RUVBL1: variants seen among roughly 807,000 people sequenced by gnomAD.
RUVBL1 encodes the protein ruvB-like 1.
In RUVBL1, 4 loss-of-function variants were observed where a neutral mutation model predicts 52.4. That is an observed-to-expected ratio of 0.08 (90% confidence interval 0.04 to 0.17). The LOEUF is 0.17. Ranked by LOEUF, RUVBL1 falls within the 10% of genes least tolerant of loss-of-function variation. The pLI is 1.00. For synonymous variants in RUVBL1, 217 were observed against 214.4 expected (o/e 1.01, Z -0.10); for missense variants, 298 against 572.8 (o/e 0.52, Z 4.90).
At chr3:128,147,338 G>A (rs909605868) in intron 1 of RUVBL1, among the ~76,000 whole-genome samples, 4 of 152,028 alleles carry the variant, frequency 2.6e-5, no homozygotes, top group South Asian at 2.1e-4. Context: ...CCAAAATGCT[G>A]GGATTACAGG....
At chr3:128,069,105 AAAAG>A (rs1409411418) in intron 9 of RUVBL1, among the ~76,000 whole-genome samples, 1 of 152,272 alleles carries the variant, frequency 6.6e-6, no homozygotes, top group Non-Finnish European at 1.5e-5. Context: ...TAAAAAAGTA[AAAAG>A]AAACAGGTGA....
rs146859734 is a variant in RUVBL1, at chr3:128,123,000, T to C, written c.141+584A>G. Among the ~76,000 whole-genome samples, 482 of 152,296 alleles carry C rather than the reference T, an allele frequency of 3.2e-3. 1 individual carries two copies. The highest frequency in any genetic ancestry group is 7.9e-3 in the South Asian group (38 of 4,828). On this transcript the variant is annotated intron_variant, in intron 1 of 10. Transcript: ENST00000322623. ...TGCTTGGAGGGGTGGATAAACCAGA[T>C]TGCTCTTCTCCATAATTCCCACTTC...
chr3:128,115,674 T>C (rs1159340146), intron 2 of RUVBL1, among the ~76,000 whole-genome samples: 5 of 152,172 alleles, frequency 3.3e-5, no homozygotes, highest in Non-Finnish European at 5.9e-5. Context: ...CTTCTAGCAA[T>C]ATGGCACACT....
At chr3:128,153,008 CT>C (rs1944273368) in intron 1 of RUVBL1, among the ~76,000 whole-genome samples, 3 of 74,126 alleles carry the variant, frequency 4.0e-5, no homozygotes, top group Admixed American at 2.6e-4. Flanking sequence ...CCCCGCCCCC[CT>C]TCGCCCCCCC....
At chr3:128,123,535 C>G in intron 1 of RUVBL1, 49 bp downstream of exon 1, 1 of 1,493,420 alleles carries the variant, frequency 6.7e-7, no homozygotes, top group Non-Finnish European at 9.0e-7. Context: ...GCTCTCTCGC[C>G]GCAGCAGCCC....
intron 9 of RUVBL1, among the ~76,000 whole-genome samples, chr3:128,073,765 G>C (rs1408002700): frequency 6.6e-6 from 1 of 152,230 alleles, no homozygotes; most frequent in Non-Finnish European, 1.5e-5. Flanking sequence ...TGTGGGCCTT[G>C]TTCCCTCTGC....
Position 128,123,791 on chromosome 3 carries a change from GAGTTACCATGCGGCCGTT to G in RUVBL1, c.-85_-68del. ...AGCTAGGACAGTGCGCCCGGCGCCT[GAGTTACCATGCGGCCGTT>G]ACTAGGGCAATTTGCAAAGGCCCGC... On this transcript the variant is annotated 5_prime_UTR_variant, in exon 1 of 11. An upstream start codon of the reference 5' UTR is lost. Coordinates refer to ENST00000322623, the MANE Select transcript of RUVBL1 (RefSeq NM_003707.3). The G allele has an allele frequency of 6.6e-7, 1 of 1,505,970 alleles. No individual in the cohort carries two copies. The highest frequency in any genetic ancestry group is 1.4e-5 in the African/African-American group (1 of 72,354). 93.3% of individuals were successfully genotyped at this position (1,505,970 alleles called of 1,614,324 possible).
intron 1 of RUVBL1, among the ~76,000 whole-genome samples, chr3:128,129,508 A>AAAG (rs148415277): frequency 6.6e-6 from 1 of 151,616 alleles, no homozygotes; most frequent in Non-Finnish European, 1.5e-5. Context: ...GGACCAGGAA[A>AAAG]AACAACAACA....
chr3:128,085,755 G>A (rs1029635210), intron 9 of RUVBL1, among the ~76,000 whole-genome samples: 1 of 152,004 alleles, frequency 6.6e-6, no homozygotes, highest in Admixed American at 6.5e-5. Context: ...GAAGTGCCAG[G>A]AAAGGCCCAG....
intron 1 of RUVBL1, chr3:128,153,092 C>T: frequency 2.4e-6 from 1 of 420,104 alleles, no homozygotes; most frequent in Non-Finnish European, 3.2e-6. Context: ...TAGGATCCTG[C>T]TGATTGGTGC....
At chr3:128,105,737 A>T (rs886361435) in intron 3 of RUVBL1, among the ~76,000 whole-genome samples, 4 of 152,114 alleles carry the variant, frequency 2.6e-5, no homozygotes, top group African/African-American at 9.7e-5. Flanking sequence ...AGTGGGTGAC[A>T]CTCAAAACTG....
chr3:128,125,084 G>C (rs1018038901), upstream of RUVBL1, among the ~76,000 whole-genome samples: 6 of 121,610 alleles, frequency 4.9e-5, no homozygotes, highest in East Asian at 1.7e-3. Flanking sequence ...GCGCAATCTC[G>C]GCTCACTGCA....
At chr3:128,153,732 C>G (rs1415417032) in exon 1 of RUVBL1, 51 of 1,550,244 alleles carry the variant, frequency 3.3e-5, no homozygotes, top group Middle Eastern at 1.8e-4. Flanking sequence ...AGGCAGCGCC[C>G]GAGGCCGAGC....
intron 4 of RUVBL1, among the ~76,000 whole-genome samples, chr3:128,104,328 G>A (rs2107694795): frequency 6.6e-6 from 1 of 152,344 alleles, no homozygotes; most frequent in South Asian, 2.1e-4. Flanking sequence ...GATTCTGCAT[G>A]TGGCCCCTGG....
intron 9 of RUVBL1, chr3:128,070,480 TCTC>T (rs756050751): frequency 6.6e-6 from 1 of 152,228 alleles, no homozygotes. Flanking sequence ...ACTGGACACG[TCTC>T]CTCGCAGCTG....
At chr3:128,119,076 A>C (rs1479036727) in intron 2 of RUVBL1, among the ~76,000 whole-genome samples, 2 of 152,208 alleles carry the variant, frequency 1.3e-5, no homozygotes, top group African/African-American at 2.4e-5. Context: ...TGAAAGAGAA[A>C]AAGGACAAAT....
At chr3:128,153,837 G>T (rs747378694) in exon 1 of RUVBL1, 129 of 1,498,854 alleles carry the variant, frequency 8.6e-5, no homozygotes, top group Non-Finnish European at 1.1e-4. Context: ...AGCGCGGGCC[G>T]GGGCGGGAGC....
chr3:128,105,429 A>G (rs968217730), intron 3 of RUVBL1, among the ~76,000 whole-genome samples: 1 of 152,044 alleles, frequency 6.6e-6, no homozygotes, highest in Admixed American at 6.6e-5. Flanking sequence ...TAGAAATGCA[A>G]CTTTTTAAGG....
At chr3:128,111,498 C>T (rs752359595) in intron 3 of RUVBL1, among the ~76,000 whole-genome samples, 4 of 152,266 alleles carry the variant, frequency 2.6e-5, no homozygotes, top group Non-Finnish European at 5.9e-5. Context: ...ATCCTGTCAG[C>T]GCTACCATGC....
Sources: allele counts gnomAD v4.1 joint callset (sites outside exome capture counted in the v4.1 genomes callset), GRCh38; gene constraint gnomAD v4.1.1; transcripts MANE v1.5; gene names NCBI Gene and HGNC (gene_info 2026-07-23, HGNC 2026-07-21).